Variants in NXPH1 observed in about 807,000 individuals in gnomAD.
NXPH1 encodes neurexophilin 1.
A neutral mutation model predicts 23.7 loss-of-function variants in NXPH1; 5 were observed. The observed-to-expected ratio is 0.21, with a 90% CI of 0.11 to 0.44. NXPH1 has a LOEUF of 0.44. NXPH1 is among the 20% of genes least tolerant of loss of function. The pLI is 0.99. For synonymous variants in NXPH1, 144 were observed against 122.2 expected, an observed-to-expected ratio of 1.18 and a Z score of -1.18; for missense variants, 324 against 321.6, an observed-to-expected ratio of 1.01 and a Z score of -0.06.
At chr7:8,498,565 T>C (rs1817378004) in intron 2 of NXPH1, among the ~76,000 whole-genome samples, 1 of 152,114 alleles carries the variant, frequency 6.6e-6, no homozygotes, top group Non-Finnish European at 1.5e-5. Context: ...TCTCCACTTG[T>C]GGAAAGTTCT....
At chr7:8,514,775 CG>C (rs1817662999) in intron 2 of NXPH1, among the ~76,000 whole-genome samples, 1 of 152,048 alleles carries the variant, frequency 6.6e-6, no homozygotes, top group Admixed American at 6.6e-5. Flanking sequence ...TTTCACCAAG[CG>C]GATGTCCATC....
At chr7:8,622,399 A>C (rs1819895848) in intron 2 of NXPH1, among the ~76,000 whole-genome samples, 1 of 152,294 alleles carries the variant, frequency 6.6e-6, no homozygotes, top group African/African-American at 2.4e-5. Flanking sequence ...AGGTCCTTCA[A>C]TTATAAGTCT....
chr7:8,725,754 C>A (rs1292390857), intron 2 of NXPH1, among the ~76,000 whole-genome samples: 1 of 152,046 alleles, frequency 6.6e-6, no homozygotes, highest in Non-Finnish European at 1.5e-5. Context: ...TGGAGATTCC[C>A]AGGACTTTTA....
chr7:8,659,768 A>G (rs1820642922), intron 2 of NXPH1, among the ~76,000 whole-genome samples: 2 of 152,234 alleles, frequency 1.3e-5, no homozygotes, highest in African/African-American at 4.8e-5. Flanking sequence ...TTCTTTAAAA[A>G]GAATGAATAT....
chr7:8,648,739 G>C (rs916332157), intron 2 of NXPH1, among the ~76,000 whole-genome samples: 21 of 152,050 alleles, frequency 1.4e-4, no homozygotes, highest in Non-Finnish European at 2.1e-4. Flanking sequence ...AACCAAATGT[G>C]TTTTCTTGAA....
intron 2 of NXPH1, among the ~76,000 whole-genome samples, chr7:8,642,968 G>A (rs947805250): frequency 6.6e-6 from 1 of 151,914 alleles, no homozygotes; most frequent in Admixed American, 6.6e-5. Flanking sequence ...GGGTTCAAGC[G>A]ATTCTCCTGC....
At chr7:8,641,693 T>C (rs1820315990) in intron 2 of NXPH1, among the ~76,000 whole-genome samples, 1 of 152,210 alleles carries the variant, frequency 6.6e-6, no homozygotes, top group Non-Finnish European at 1.5e-5. Flanking sequence ...CCACCACTCC[T>C]CTTTCTATAA....
At chr7:8,521,785 A>G (rs956450811) in intron 2 of NXPH1, among the ~76,000 whole-genome samples, 7 of 152,206 alleles carry the variant, frequency 4.6e-5, no homozygotes, top group African/African-American at 1.7e-4. Context: ...AAGCAGGTAG[A>G]AAAATAATTA....
At chr7:8,750,943 T>A in intron 2 of NXPH1, 65 bp from the exon 3 acceptor site, 1 of 1,473,274 alleles carries the variant, frequency 6.8e-7, no homozygotes, top group Non-Finnish European at 9.4e-7. Context: ...AAGGCTTAGA[T>A]CTATGCATTG....
chr7:8,704,922 C>T (rs1779680624), intron 2 of NXPH1, among the ~76,000 whole-genome samples: 1 of 152,050 alleles, frequency 6.6e-6, no homozygotes, highest in Non-Finnish European at 1.5e-5. Context: ...TATATAAAAT[C>T]TTCCTTCAAG....
intron 2 of NXPH1, among the ~76,000 whole-genome samples, chr7:8,471,736 T>C (rs548346940): frequency 6.6e-6 from 1 of 152,204 alleles, no homozygotes; most frequent in Non-Finnish European, 1.5e-5. Context: ...TTTTCTTTAC[T>C]CATGAAAACA....
At chr7:8,510,843 C>G (rs1228586096) in intron 2 of NXPH1, among the ~76,000 whole-genome samples, 1 of 152,096 alleles carries the variant, frequency 6.6e-6, no homozygotes, top group South Asian at 2.1e-4. Context: ...AAAGTATAGT[C>G]TCTCTCAATA....
intron 2 of NXPH1, among the ~76,000 whole-genome samples, chr7:8,676,488 GT>G (rs5882182): frequency 0.76 from 116,022 of 152,074 alleles, 44,604 homozygotes; most frequent in East Asian, 1. Flanking sequence ...GGAATTTTCT[GT>G]TTGTATATTA....
chr7:8,739,070 G>C (rs1393628778), intron 2 of NXPH1, among the ~76,000 whole-genome samples: 3 of 151,566 alleles, frequency 2.0e-5, no homozygotes, highest in Admixed American at 1.3e-4. Context: ...GCTCCTTGGG[G>C]GTGGGATCCA....
At chr7:8,478,006 C>A (rs896935460) in intron 2 of NXPH1, among the ~76,000 whole-genome samples, 1 of 148,732 alleles carries the variant, frequency 6.7e-6, no homozygotes, top group Non-Finnish European at 1.5e-5. Flanking sequence ...AATTTGATTC[C>A]CATTGCTACA....
intron 2 of NXPH1, among the ~76,000 whole-genome samples, chr7:8,450,796 G>A (rs993663763): frequency 3.9e-5 from 6 of 152,124 alleles, no homozygotes; most frequent in Admixed American, 2.0e-4. Flanking sequence ...CATATTCTCC[G>A]CAAGAATTCA....
At chr7:8,463,872 T>C (rs1330405990) in intron 2 of NXPH1, among the ~76,000 whole-genome samples, 1 of 152,238 alleles carries the variant, frequency 6.6e-6, no homozygotes, top group Non-Finnish European at 1.5e-5. Flanking sequence ...GCAATTAATA[T>C]AAATGTTGAC....
At chr7:8,469,702 A>C (rs953734121) in intron 2 of NXPH1, among the ~76,000 whole-genome samples, 1 of 152,144 alleles carries the variant, frequency 6.6e-6, no homozygotes, top group Admixed American at 6.6e-5. Context: ...TGAAATGCAC[A>C]CTATGATGAG....
intron 2 of NXPH1, among the ~76,000 whole-genome samples, chr7:8,722,693 T>C (rs1779988786): frequency 6.6e-6 from 1 of 152,214 alleles, no homozygotes; most frequent in African/African-American, 2.4e-5. Flanking sequence ...TTAAAAGCTC[T>C]GAAGAAGACG....
Sources: allele counts gnomAD v4.1 joint callset (sites outside exome capture counted in the v4.1 genomes callset), GRCh38; gene constraint gnomAD v4.1.1; transcripts MANE v1.5; gene names NCBI Gene and HGNC (gene_info 2026-07-23, HGNC 2026-07-21).